SKAP1: variants seen among roughly 807,000 people sequenced by gnomAD.
The protein encoded by SKAP1 is src kinase associated phosphoprotein 1, also known as src kinase-associated phosphoprotein 1.
A neutral mutation model predicts 58.5 loss-of-function variants in SKAP1; 44 were observed. That is an observed-to-expected ratio of 0.75 (90% CI 0.59 to 0.97). SKAP1 has a LOEUF of 0.97. Ranked by LOEUF, SKAP1 falls within the 50% of genes least tolerant of loss-of-function variation. SKAP1 has a pLI of 0.00. For missense variants in SKAP1, 390 were observed against 435.2 expected (o/e 0.90, Z 0.92); for synonymous variants, 127 against 149.7 (o/e 0.85, Z 1.11).
At chr17:48,427,512 G>C (rs537372907) in intron 1 of SKAP1, among the ~76,000 whole-genome samples, 1 of 151,992 alleles carries the variant, frequency 6.6e-6, no homozygotes, top group South Asian at 2.1e-4. Context: ...ACATTTCCAA[G>C]TGTCTCAAAT....
At chr17:48,223,491 C>T (rs1344531183) in intron 4 of SKAP1, among the ~76,000 whole-genome samples, 3 of 152,104 alleles carry the variant, frequency 2.0e-5, no homozygotes, top group Non-Finnish European at 4.4e-5. Context: ...TTATATGCTG[C>T]GCAGTATATG....
intron 11 of SKAP1, among the ~76,000 whole-genome samples, chr17:48,150,660 G>A (rs1220226358): frequency 6.6e-6 from 1 of 152,226 alleles, no homozygotes; most frequent in East Asian, 1.9e-4. Context: ...CAGCCAATGT[G>A]AACAAGGAGA....
chr17:48,282,697 C>T (rs1452664), intron 4 of SKAP1, among the ~76,000 whole-genome samples: 26,239 of 151,858 alleles, frequency 0.17, 2,316 homozygotes, highest in Non-Finnish European at 0.19. Flanking sequence ...TTGCTTGAGC[C>T]TAGGAGGTCA....
intron 11 of SKAP1, among the ~76,000 whole-genome samples, chr17:48,138,363 C>G (rs891872625): frequency 3.3e-5 from 5 of 150,868 alleles, no homozygotes; most frequent in Non-Finnish European, 7.4e-5. Context: ...TGCCATCACA[C>G]CCGGCTATTT....
At chr17:48,354,295 A>G (rs1354042679) in intron 3 of SKAP1, among the ~76,000 whole-genome samples, 4 of 152,162 alleles carry the variant, frequency 2.6e-5, no homozygotes, top group African/African-American at 9.7e-5. Context: ...AACAGCCAAA[A>G]CCTCTCACTG....
At chr17:48,385,753 A>G (rs189367419) in intron 2 of SKAP1, among the ~76,000 whole-genome samples, 5 of 152,214 alleles carry the variant, frequency 3.3e-5, no homozygotes, top group Admixed American at 2.0e-4. Context: ...CTGTGGGAGA[A>G]CCATCCTTTA....
chr17:48,357,758 G>A (rs1482717949), intron 3 of SKAP1, among the ~76,000 whole-genome samples: 1 of 152,208 alleles, frequency 6.6e-6, no homozygotes, highest in African/African-American at 2.4e-5. Flanking sequence ...ACCAGTAGAT[G>A]TATAGGAAGT....
At chr17:48,269,585 T>G (rs1451785942) in intron 4 of SKAP1, among the ~76,000 whole-genome samples, 1 of 152,174 alleles carries the variant, frequency 6.6e-6, no homozygotes, top group Non-Finnish European at 1.5e-5. Context: ...TTAAATGCCT[T>G]CATTTAGAGA....
At chr17:48,435,133 T>G (rs1382535653), upstream of SKAP1, among the ~76,000 whole-genome samples, 1 of 152,212 alleles carries the variant, frequency 6.6e-6, no homozygotes, top group Non-Finnish European at 1.5e-5. Flanking sequence ...GCTGAGACCC[T>G]GTCTGAAATA....
intron 4 of SKAP1, among the ~76,000 whole-genome samples, chr17:48,330,497 A>G (rs1218645068): frequency 1.3e-5 from 2 of 152,220 alleles, no homozygotes; most frequent in Non-Finnish European, 2.9e-5. Flanking sequence ...TCACAACTCT[A>G]AAAAGAAAAA....
At chr17:48,205,009 C>CT (rs1401531169) in intron 4 of SKAP1, among the ~76,000 whole-genome samples, 14 of 33,002 alleles carry the variant, frequency 4.2e-4, no homozygotes, top group African/African-American at 2.1e-3. Flanking sequence ...TTCTTTCTTT[C>CT]TTTCTTTTTC....
At chr17:48,227,925 A>G (rs2065086930) in intron 4 of SKAP1, among the ~76,000 whole-genome samples, 1 of 152,230 alleles carries the variant, frequency 6.6e-6, no homozygotes, top group Non-Finnish European at 1.5e-5. Flanking sequence ...TCTGGAACAC[A>G]ATATGCACTA....
chr17:48,141,582 G>C (rs534670583), intron 11 of SKAP1, among the ~76,000 whole-genome samples: 1 of 151,746 alleles, frequency 6.6e-6, no homozygotes, highest in African/African-American at 2.4e-5. Context: ...TCACCATATT[G>C]GCCAGTCTGG....
chr17:48,358,439 G>A (rs369985089), intron 3 of SKAP1, among the ~76,000 whole-genome samples: 1 of 152,062 alleles, frequency 6.6e-6, no homozygotes, highest in African/African-American at 2.4e-5. Flanking sequence ...CATGCTCCAA[G>A]TATGTGACCA....
rs185110324 is a variant in SKAP1, at chr17:48,244,935, C to T, written c.281-55435G>A. Among the ~76,000 whole-genome samples, 7 of 152,246 alleles carry T rather than the reference C, an allele frequency of 4.6e-5. No homozygotes were observed. The East Asian group carries it at 5.8e-4, about 13-fold the overall frequency. On this transcript the variant is annotated intron_variant, in intron 4 of 12. Transcript: ENST00000336915. Reference sequence around the variant, plus strand: ...CTGAGTCTAAAACCTGGACCATAATCGTAGAAAATGAAAACAGAAGATTTC... The same window carrying T: ...CTGAGTCTAAAACCTGGACCATAATTGTAGAAAATGAAAACAGAAGATTTC...
At chr17:48,204,214 C>T (rs756398763) in intron 4 of SKAP1, 2 of 151,876 alleles carry the variant, frequency 1.3e-5, no homozygotes, top group Non-Finnish European at 2.9e-5. Flanking sequence ...CCTGCCTCAG[C>T]CTCCTGAGTA....
intron 9 of SKAP1, among the ~76,000 whole-genome samples, chr17:48,173,780 G>A (rs897326125): frequency 1.3e-5 from 2 of 152,152 alleles, no homozygotes; most frequent in Non-Finnish European, 2.9e-5. Flanking sequence ...CGAAGTTGGA[G>A]GGTCACAGTG....
At chr17:48,359,825 C>G (rs963429778) in intron 3 of SKAP1, among the ~76,000 whole-genome samples, 1 of 151,996 alleles carries the variant, frequency 6.6e-6, no homozygotes, top group African/African-American at 2.4e-5. Context: ...AGATTGATCT[C>G]AAACTCCTGG....
At chr17:48,218,842 C>A (rs16953941) in intron 4 of SKAP1, among the ~76,000 whole-genome samples, 16,958 of 151,894 alleles carry the variant, frequency 0.11, 1,009 homozygotes, top group East Asian at 0.19. Flanking sequence ...AATACTGCAC[C>A]TTGTTTCCAT....
Sources: gnomAD v4.1 joint callset for allele counts (sites outside exome capture counted in the v4.1 genomes callset) on GRCh38, gnomAD v4.1.1 for gene constraint, MANE v1.5 for transcripts, NCBI Gene and HGNC (gene_info 2026-07-23, HGNC 2026-07-21) for gene names.